Variants in CADPS2 observed in about 807,000 individuals in gnomAD.
CADPS2 encodes the protein calcium dependent secretion activator 2, also known as calcium-dependent secretion activator 2.
A neutral mutation model predicts 172.5 loss-of-function variants in CADPS2; 93 were observed. The observed-to-expected ratio is 0.54, with a 90% confidence interval of 0.46 to 0.64. The LOEUF (loss-of-function observed/expected upper bound fraction) is 0.64, where lower values mean the gene tolerates loss of function less well. Among genes scored for constraint, CADPS2 ranks in the 30% least tolerant of loss-of-function variants. The probability of loss-of-function intolerance (pLI) is 0.00; values close to 1 mark genes in which losing one functional copy is unlikely to be tolerated. For synonymous variants in CADPS2, 546 were observed against 555.2 expected, an observed-to-expected ratio of 0.98 and a Z score of 0.23; for missense variants, 1,420 against 1,565.9, an observed-to-expected ratio of 0.91 and a Z score of 1.57.
chr7:122,511,465 A>G (rs1385727961), intron 9 of CADPS2, among the ~76,000 whole-genome samples: 1 of 152,174 alleles, frequency 6.6e-6, no homozygotes, highest in African/African-American at 2.4e-5. Context: ...TAACTTTCAT[A>G]TTCAAAAAAT....
intron 2 of CADPS2, among the ~76,000 whole-genome samples, chr7:122,685,225 C>G (rs548391153): frequency 6.6e-6 from 1 of 152,302 alleles, no homozygotes; most frequent in Non-Finnish European, 1.5e-5. Flanking sequence ...CAATATCAAA[C>G]TCCTTTAAGG....
chr7:122,613,144 G>A (rs541315394), intron 6 of CADPS2, among the ~76,000 whole-genome samples: 62 of 151,988 alleles, frequency 4.1e-4, no homozygotes, highest in Non-Finnish European at 7.2e-4. Flanking sequence ...AATTCTTAGC[G>A]GTGACAACAA....
intron 7 of CADPS2, among the ~76,000 whole-genome samples, chr7:122,566,883 T>C (rs1563724421): frequency 6.6e-6 from 1 of 152,198 alleles, no homozygotes; most frequent in Non-Finnish European, 1.5e-5. Flanking sequence ...CCAACATTAA[T>C]TGGACATACA....
At chr7:122,657,737 CA>C (rs1178306740) in intron 3 of CADPS2, among the ~76,000 whole-genome samples, 1 of 152,122 alleles carries the variant, frequency 6.6e-6, no homozygotes, top group Non-Finnish European at 1.5e-5. Flanking sequence ...TCTAAATATA[CA>C]ATCATGTCAT....
intron 2 of CADPS2, among the ~76,000 whole-genome samples, chr7:122,682,039 T>A (rs775328868): frequency 6.6e-5 from 10 of 152,254 alleles, no homozygotes; most frequent in Middle Eastern, 3.4e-3. Context: ...GATCTTTGAG[T>A]CTTTCTTCCT....
chr7:122,357,419 T>A (rs1391295052), intron 27 of CADPS2: 1 of 152,184 alleles, frequency 6.6e-6, no homozygotes, highest in African/African-American at 2.4e-5. Flanking sequence ...AGTGAGTTTA[T>A]CTCATACATT....
At chr7:122,694,510 C>T (rs917069637) in intron 2 of CADPS2, among the ~76,000 whole-genome samples, 4 of 152,076 alleles carry the variant, frequency 2.6e-5, no homozygotes, top group Admixed American at 2.6e-4. Context: ...GACACAGTAA[C>T]TTGGAGGTCT....
intron 2 of CADPS2, among the ~76,000 whole-genome samples, chr7:122,722,894 A>G: frequency 6.6e-6 from 1 of 152,048 alleles, no homozygotes; most frequent in Non-Finnish European, 1.5e-5. Flanking sequence ...CAACAGTCTG[A>G]TCTTTGACAA....
At chr7:122,699,177 T>C in intron 2 of CADPS2, 2 of 379,448 alleles carry the variant, frequency 5.3e-6, no homozygotes, top group Non-Finnish European at 9.6e-6. Context: ...GATGTGATTA[T>C]GACATGCAAG....
At chr7:122,582,465 A>G (rs1033341254) in intron 6 of CADPS2, among the ~76,000 whole-genome samples, 2 of 152,074 alleles carry the variant, frequency 1.3e-5, no homozygotes, top group African/African-American at 2.4e-5. Context: ...AGGGAAGAGA[A>G]GAATCAATTA....
At chr7:122,762,374 A>G (rs2093417478) in intron 1 of CADPS2, among the ~76,000 whole-genome samples, 1 of 152,160 alleles carries the variant, frequency 6.6e-6, no homozygotes, top group Non-Finnish European at 1.5e-5. Flanking sequence ...GAAGGGAGGC[A>G]CACAAATTAA....
At chr7:122,849,835 TC>T in intron 1 of CADPS2, 1 of 563,712 alleles carries the variant, frequency 1.8e-6, no homozygotes. Flanking sequence ...ATGATGAGTT[TC>T]CCACTATGGT....
chr7:122,863,949 G>A (rs1239420069), intron 1 of CADPS2, among the ~76,000 whole-genome samples: 1 of 151,966 alleles, frequency 6.6e-6, no homozygotes, highest in Non-Finnish European at 1.5e-5. Flanking sequence ...AGAACTGCTT[G>A]AACCCAGAAG....
chr7:122,447,531 T>A, intron 15 of CADPS2, among the ~76,000 whole-genome samples: 1 of 149,078 alleles, frequency 6.7e-6, no homozygotes, highest in African/African-American at 2.5e-5. Flanking sequence ...TGTTGATTTC[T>A]TGTTTCGGGG....
intron 1 of CADPS2, among the ~76,000 whole-genome samples, chr7:122,883,847 GA>G (rs1159797737): frequency 6.6e-6 from 1 of 152,008 alleles, no homozygotes; most frequent in East Asian, 1.9e-4. Flanking sequence ...TTTTTTCATA[GA>G]ATATATGTTG....
chr7:122,380,643 G>A (rs2042889929), intron 24 of CADPS2, among the ~76,000 whole-genome samples: 1 of 152,018 alleles, frequency 6.6e-6, no homozygotes, highest in Non-Finnish European at 1.5e-5. Flanking sequence ...GGATAATTTT[G>A]GAGTGTCTGA....
At chr7:122,764,234 T>A (rs2093477226) in intron 1 of CADPS2, among the ~76,000 whole-genome samples, 2 of 152,108 alleles carry the variant, frequency 1.3e-5, no homozygotes, top group Non-Finnish European at 2.9e-5. Context: ...TGTTCCTACA[T>A]CACCCTATTC....
At chr7:122,702,614 A>T in intron 2 of CADPS2, 2 of 1,613,620 alleles carry the variant, frequency 1.2e-6, no homozygotes, top group South Asian at 1.1e-5. Flanking sequence ...TCCAACCTGA[A>T]ATGTTATATT....
chr7:122,799,252 T>C (rs1412413200), intron 1 of CADPS2, among the ~76,000 whole-genome samples: 1 of 152,070 alleles, frequency 6.6e-6, no homozygotes, highest in South Asian at 2.1e-4. Flanking sequence ...ACAGATACAG[T>C]ATTATTCTTT....
Sources: allele counts gnomAD v4.1 joint callset (sites outside exome capture counted in the v4.1 genomes callset), GRCh38; gene constraint gnomAD v4.1.1; transcripts MANE v1.5; gene names NCBI Gene and HGNC (gene_info 2026-07-23, HGNC 2026-07-21).